Variants in GNB5 observed in about 807,000 individuals in gnomAD.
GNB5 encodes the protein guanine nucleotide-binding protein subunit beta-5.
Under a neutral mutation model 55.3 loss-of-function variants are expected in GNB5, and 37 were observed. That is an observed-to-expected ratio of 0.67 (90% confidence interval 0.51 to 0.88). The LOEUF (loss-of-function observed/expected upper bound fraction) is 0.88, where lower values mean the gene tolerates loss of function less well. Among genes scored for constraint, GNB5 ranks in the 40% least tolerant of loss-of-function variants. The pLI is 0.00. For synonymous variants in GNB5, 219 were observed against 198.5 expected, an observed-to-expected ratio of 1.10 and a Z score of -0.87; for missense variants, 476 against 515.3, an observed-to-expected ratio of 0.92 and a Z score of 0.74.
chr15:52,147,166 GTT>G (rs540360753), intron 6 of GNB5: 340 of 176,514 alleles, frequency 1.9e-3, no homozygotes, highest in Middle Eastern at 7.1e-3. Context: ...TTATGGTTTT[GTT>G]TTTTTTTTTT....
In GNB5 at chr15:52,185,792, A is replaced by T. The variant is rs1220865985; in HGVS notation, c.-18-1098T>A. On this transcript the variant is annotated intron_variant, in intron 1 of 12. Transcript: ENST00000261837. ...TATTATTATTATTATTATTATTATT[A>T]TTATTTGGGACAGTATCTCTCTGTC... Among the ~76,000 whole-genome samples the T allele has an allele frequency of 2.1e-5, 3 of 143,314 alleles. No individual in the cohort carries two copies. In the East Asian group the frequency reaches 6.1e-4, roughly 29 times the overall value. 94.0% of individuals were successfully genotyped at this position (143,314 alleles called of 152,430 possible).
intron 3 of GNB5, among the ~76,000 whole-genome samples, chr15:52,169,365 C>A (rs1022685146): frequency 6.6e-6 from 1 of 150,394 alleles, no homozygotes; most frequent in Admixed American, 6.6e-5. Context: ...GGTGAAACCC[C>A]GTCTCTACTA....
In GNB5 at chr15:52,135,699, G is replaced by C. The variant is rs549822789; in HGVS notation, c.685C>G (p.Leu229Val). ...CCATGTCCGTGGAAGCTCTGCAGCA[G>C]CTGCCCGCTCTCCACGTCCCACAGG... ...CALWDVESGQ[L>V]LQSFHGHGAD... is the part of the protein sequence containing the mutation. Residue 229 changes from leucine (L) to valine (V), a missense_variant, in exon 8 of 13, where the codon CTG (leucine) becomes GTG (valine). Physicochemically the swap from Leu to Val is conservative, Grantham distance 32. Coordinates refer to ENST00000261837, the MANE Select transcript of GNB5 (RefSeq NM_016194.4). 1 of 1,613,050 alleles carries C rather than the reference G, an allele frequency of 6.2e-7. No individual in the cohort carries two copies. The highest frequency in any genetic ancestry group is 1.3e-5 in the African/African-American group (1 of 74,964).
chr15:52,186,488 G>A (rs1289023006), intron 1 of GNB5, among the ~76,000 whole-genome samples: 1 of 152,196 alleles, frequency 6.6e-6, no homozygotes. Flanking sequence ...TTGGCATGTG[G>A]AGTTGAGGAG....
intron 6 of GNB5, 58 bp from the exon 7 acceptor site, chr15:52,141,330 AC>A: frequency 6.8e-7 from 1 of 1,476,464 alleles, no homozygotes; most frequent in South Asian, 1.1e-5. Context: ...ATATGTGTCT[AC>A]TTTTCCAATC....
chr15:52,143,421 C>T lies in GNB5; in HGVS notation c.495-2149G>A, dbSNP rs369656796. Among the ~76,000 whole-genome samples, 7 of 152,282 alleles carry T rather than the reference C, an allele frequency of 4.6e-5. No homozygotes were observed. In the South Asian group the frequency reaches 1.2e-3, roughly 27 times the overall value. On this transcript the variant is annotated intron_variant, in intron 6 of 12. Transcript: ENST00000261837. Reference sequence around the variant, plus strand: ...CTAACTAATGTTGTGATCTTGGTTACGTATTCATCTTTGAATTCCAGTATG... The same window carrying T: ...CTAACTAATGTTGTGATCTTGGTTATGTATTCATCTTTGAATTCCAGTATG...
At chr15:52,173,514 G>A (rs561104909) in intron 3 of GNB5, among the ~76,000 whole-genome samples, 15 of 152,368 alleles carry the variant, frequency 9.8e-5, no homozygotes, top group Middle Eastern at 3.4e-3. Flanking sequence ...AAGGCTGAAG[G>A]CAAGAACAAG....
chr15:52,124,394 C>G lies in GNB5; in HGVS notation c.1176+79G>C, dbSNP rs6493536. The G allele has an allele frequency of 0.051, 61,157 of 1,188,688 alleles. 4,055 individuals are homozygous for G. Among genetic ancestry groups the G allele is most frequent in the African/African-American group, 0.31 (20,193 of 65,968 alleles). 73.6% of individuals were successfully genotyped at this position (1,188,688 alleles called of 1,614,324 possible). On this transcript the variant is annotated intron_variant, in intron 12 of 12. Transcript: ENST00000261837. ...GGCCCACCTGAGCTTACTCTGATAG[C>G]CTTCCCTCTGCTTCAGAAGGCCTGT...
chr15:52,167,051 C>G (rs1225806371), intron 3 of GNB5, among the ~76,000 whole-genome samples: 2 of 152,208 alleles, frequency 1.3e-5, no homozygotes, highest in Admixed American at 6.5e-5. Flanking sequence ...ACAAATACCT[C>G]TATGCACATA....
intron 6 of GNB5, among the ~76,000 whole-genome samples, chr15:52,142,527 T>C (rs2033879082): frequency 6.6e-6 from 1 of 151,934 alleles, no homozygotes; most frequent in Admixed American, 6.6e-5. Flanking sequence ...ATGCTCAAAT[T>C]ACCCCAAATT....
At chr15:52,133,300 G>C in intron 9 of GNB5, 78 bp downstream of exon 9, 5 of 953,750 alleles carry the variant, frequency 5.2e-6, no homozygotes, top group Non-Finnish European at 8.4e-6. Flanking sequence ...GTCTGGAGGC[G>C]GTTCCTGGGC....
intron 3 of GNB5, among the ~76,000 whole-genome samples, chr15:52,155,689 A>G (rs1171923831): frequency 6.6e-6 from 1 of 152,160 alleles, no homozygotes; most frequent in East Asian, 1.9e-4. Flanking sequence ...GCTTCTTGTA[A>G]TGTGGTTTAA....
chr15:52,154,649 G>A (rs187149112), intron 3 of GNB5, among the ~76,000 whole-genome samples: 4 of 152,310 alleles, frequency 2.6e-5, no homozygotes, highest in African/African-American at 4.8e-5. Context: ...AGAGCTTGCC[G>A]TGTCTAGCTG....
At chr15:52,174,968 G>A (rs756374491) in intron 3 of GNB5, among the ~76,000 whole-genome samples, 1 of 152,126 alleles carries the variant, frequency 6.6e-6, no homozygotes, top group Non-Finnish European at 1.5e-5. Context: ...TGCTACTAGT[G>A]GGGCCGAGGG....
At chr15:52,131,595 A>G (rs956045678) in intron 9 of GNB5, among the ~76,000 whole-genome samples, 2 of 152,104 alleles carry the variant, frequency 1.3e-5, no homozygotes, top group African/African-American at 4.8e-5. Context: ...ACTAACTTCA[A>G]TTACTATCTG....
intron 9 of GNB5, 42 bp from the exon 10 acceptor site, chr15:52,128,286 C>T (rs1221681769): frequency 1.5e-6 from 2 of 1,295,074 alleles, no homozygotes; most frequent in Admixed American, 3.4e-5. Context: ...TGACTCCTGA[C>T]CCTGGATGCC....
At chr15:52,124,054 G>T (rs887259941) in intron 12 of GNB5, among the ~76,000 whole-genome samples, 3 of 151,188 alleles carry the variant, frequency 2.0e-5, no homozygotes, top group Non-Finnish European at 4.4e-5. Flanking sequence ...AATTTCAGGG[G>T]CTTCACAGCC....
At position 52,136,163 on chromosome 15, in the gene GNB5, CACACACACA is replaced by C. The variant is rs1291180409; in HGVS notation, c.628-416_628-408del. Among the ~76,000 whole-genome samples the C allele has an allele frequency of 2.9e-3, 357 of 124,816 alleles. 3 individuals carry two copies. Among genetic ancestry groups the C allele is most frequent in the Non-Finnish European group, 3.5e-3 (202 of 57,256 alleles). 81.9% of individuals were successfully genotyped at this position (124,816 alleles called of 152,430 possible). ...ACACACACACACACACACACACACA[CACACACACA>C]CCCTACCTGCTGTATCTGGGTTCAT... is the stretch of plus-strand genomic sequence containing the variant. On this transcript the variant is annotated intron_variant, in intron 7 of 12. Transcript: ENST00000261837.
At chr15:52,140,139 T>C in intron 7 of GNB5, 2 of 261,608 alleles carry the variant, frequency 7.6e-6, no homozygotes, top group African/African-American at 2.3e-5. Context: ...AATTGAACAA[T>C]TACCCAGCCA....
Sources: gnomAD v4.1 joint callset for allele counts (sites outside exome capture counted in the v4.1 genomes callset) on GRCh38, gnomAD v4.1.1 for gene constraint, MANE v1.5 for transcripts, NCBI Gene and HGNC (gene_info 2026-07-23, HGNC 2026-07-21) for gene names.